The following C8B variants were observed in gnomAD, a reference collection of about 807,000 sequenced individuals.
C8B encodes the protein complement C8 beta chain.
C8B carries 67 observed loss-of-function variants against 64.6 expected under a neutral mutation model. That is an observed-to-expected ratio of 1.04 (90% confidence interval 0.85 to 1.27). The LOEUF (loss-of-function observed/expected upper bound fraction) is 1.27. Ranked by LOEUF, C8B falls within the 50% of genes most tolerant of loss-of-function variation. C8B has a pLI of 0.00. For synonymous variants in C8B, 284 were observed against 257.7 expected, an observed-to-expected ratio of 1.10 and a Z score of -0.98; for missense variants, 790 against 725.2, an observed-to-expected ratio of 1.09 and a Z score of -1.03.
chr1:56,945,693 G>T, intron 7 of C8B, 128 bp downstream of exon 7: 7 of 1,181,176 alleles, frequency 5.9e-6, no homozygotes, highest in Non-Finnish European at 8.8e-6. Context: ...CAATCAAAAA[G>T]AAGAGGAAGA....
chr1:56,950,558 G>T (rs1383382054), intron 5 of C8B, among the ~76,000 whole-genome samples: 5 of 152,146 alleles, frequency 3.3e-5, no homozygotes, highest in Non-Finnish European at 5.9e-5. Flanking sequence ...TTCAGCTTCT[G>T]CCCATTCAGC....
intron 8 of C8B, 32 bp downstream of exon 8, chr1:56,943,649 GAGGATAAACATTATA>G (rs1376350803): frequency 6.2e-7 from 1 of 1,610,750 alleles, no homozygotes; most frequent in South Asian, 1.1e-5. Context: ...GAGGCACTAG[GAGGATAAACATTATA>G]AGTGTGGAAG....
intron 4 of C8B, among the ~76,000 whole-genome samples, chr1:56,953,727 C>T (rs1385418761): frequency 6.6e-6 from 1 of 152,188 alleles, no homozygotes; most frequent in South Asian, 2.1e-4. Context: ...GTGCCTTGCC[C>T]GAGGTGCCCT....
intron 1 of C8B, chr1:56,963,863 T>C (rs911609478): frequency 2.4e-5 from 24 of 985,286 alleles, no homozygotes; most frequent in Admixed American, 1.2e-4. Flanking sequence ...GTGATTGTGA[T>C]TTCATCATCT....
intron 3 of C8B, 98 bp from the exon 4 acceptor site, chr1:56,954,925 C>T (rs1045310489): frequency 2.9e-6 from 4 of 1,388,780 alleles, no homozygotes; most frequent in African/African-American, 2.8e-5. Context: ...TTTTGTCAGG[C>T]CTTGCATGCT....
At chr1:56,957,802 G>A (rs1645123748) in intron 2 of C8B, among the ~76,000 whole-genome samples, 1 of 152,184 alleles carries the variant, frequency 6.6e-6, no homozygotes, top group Admixed American at 6.5e-5. Flanking sequence ...ACAGTGCAAT[G>A]AGTGCCATGA....
chr1:56,965,757 C>A, intron 1 of C8B, 100 bp downstream of exon 1: 1 of 1,308,544 alleles, frequency 7.6e-7, no homozygotes, highest in Non-Finnish European at 1.1e-6. Flanking sequence ...AGAGACGTTC[C>A]TCATTCAATA....
At chr1:56,959,798 A>C (rs971837305) in intron 2 of C8B, 4 of 731,432 alleles carry the variant, frequency 5.5e-6, no homozygotes, top group Non-Finnish European at 9.0e-6. Flanking sequence ...TTAGGAAGCT[A>C]GTAGAGTGAG....
At position 56,940,965 on chromosome 1, in the gene C8B, G is replaced by C. The variant is rs41286844; in HGVS notation, c.1282C>G (p.Arg428Gly). The C allele has an allele frequency of 3.1e-6, 5 of 1,613,642 alleles. No individual in the cohort carries two copies. The African/African-American group carries it at 5.4e-5, about 17-fold the overall frequency. Residue 428 changes from arginine (R) to glycine (G), a missense_variant, in exon 9 of 12, where the codon CGA becomes GGA. Arg to Gly is a moderately radical substitution (Grantham distance 125). Transcript: ENST00000371237. ...TMVEDLVVLV[R>G]GGASEHITTL... ...GTGATGTGCTCACTTGCCCCTCCTCGTACCAGGACCACCAAGTCCTCCACC... is the reference window on the plus strand; with the variant it reads ...GTGATGTGCTCACTTGCCCCTCCTCCTACCAGGACCACCAAGTCCTCCACC...
intron 10 of C8B, 80 bp from the exon 11 acceptor site, chr1:56,931,958 C>A (rs986149026): frequency 5.1e-6 from 5 of 979,610 alleles, no homozygotes; most frequent in African/African-American, 4.8e-5. Flanking sequence ...CCAATCACTG[C>A]AGTTCCATCA....
intron 7 of C8B, among the ~76,000 whole-genome samples, chr1:56,945,414 C>T (rs1644926676): frequency 6.6e-6 from 1 of 152,148 alleles, no homozygotes; most frequent in South Asian, 2.1e-4. Flanking sequence ...TAGAATAAAA[C>T]ATATTGGAGA....
At chr1:56,964,588 T>C (rs1057200882) in intron 1 of C8B, among the ~76,000 whole-genome samples, 1 of 152,210 alleles carries the variant, frequency 6.6e-6, no homozygotes, top group African/African-American at 2.4e-5. Context: ...GATTCAGCCC[T>C]CACACTCTCT....
chr1:56,936,848 C>A lies in C8B; in HGVS notation c.1399-3360G>T, dbSNP rs566440445. 2.0e-5 allele frequency among the ~76,000 whole-genome samples: 3 copies of A among 152,270 alleles called. No homozygotes were observed. The East Asian group carries it at 5.8e-4, about 29-fold the overall frequency. On this transcript the variant is annotated intron_variant, in intron 9 of 11. Coordinates refer to ENST00000371237, the MANE Select transcript of C8B (RefSeq NM_000066.4). The stretch of plus-strand genomic sequence containing the variant: ...CCTCATGTCATCCACCCACCTTGGC[C>A]TCTCACAGTGCTGGGATTACAGGTG...
At chr1:56,951,954 G>GA (rs1553181637) in intron 5 of C8B, 94 bp downstream of exon 5, 109 of 637,210 alleles carry the variant, frequency 1.7e-4, no homozygotes, top group Non-Finnish European at 1.3e-5. Context: ...AGCTCAAAGA[G>GA]AAAAGGGCTA....
At chr1:56,950,050 G>T (rs12136853) in intron 5 of C8B, among the ~76,000 whole-genome samples, 28,853 of 152,168 alleles carry the variant, frequency 0.19, 3,102 homozygotes, top group East Asian at 0.39. Flanking sequence ...AAAGCATGGA[G>T]GTGGGAAAGG....
intron 3 of C8B, among the ~76,000 whole-genome samples, chr1:56,955,838 A>G (rs114173524): frequency 0.02 from 2,993 of 152,340 alleles, 91 homozygotes; most frequent in African/African-American, 0.069. Context: ...GTAAATGTAG[A>G]GAATTGCAAC....
intron 6 of C8B, among the ~76,000 whole-genome samples, 160 bp from the exon 7 acceptor site, chr1:56,946,221 T>C (rs1031748847): frequency 7.9e-5 from 12 of 152,146 alleles, no homozygotes; most frequent in African/African-American, 2.9e-4. Context: ...TTGACAAGCT[T>C]TCAGTGCTCA....
intron 9 of C8B, among the ~76,000 whole-genome samples, chr1:56,938,566 T>C (rs560705176): frequency 1.3e-5 from 2 of 152,334 alleles, no homozygotes; most frequent in Admixed American, 1.3e-4. Context: ...TCAAGATCTC[T>C]TTATATGTTC....
chr1:56,951,394 A>G (rs978904428), intron 5 of C8B, among the ~76,000 whole-genome samples: 4 of 152,026 alleles, frequency 2.6e-5, no homozygotes, highest in African/African-American at 9.7e-5. Flanking sequence ...CAGTCCTGGA[A>G]CCCAGTGTGT....
Sources: gnomAD v4.1 joint callset for allele counts (sites outside exome capture counted in the v4.1 genomes callset) on GRCh38, gnomAD v4.1.1 for gene constraint, MANE v1.5 for transcripts, NCBI Gene and HGNC (gene_info 2026-07-23, HGNC 2026-07-21) for gene names.